Variants in CLEC20A observed in about 807,000 individuals in gnomAD.
The protein encoded by CLEC20A is C-type lectin domain containing 20A.
chr1:178,483,484 G>A (rs1317235083), intron 5 of CLEC20A: 1 of 382,646 alleles, frequency 2.6e-6, no homozygotes, highest in Non-Finnish European at 4.6e-6. Flanking sequence ...CCCAGCACTT[G>A]AGTTGCTACA....
upstream of CLEC20A, among the ~76,000 whole-genome samples, chr1:178,497,510 T>C (rs1649428340): frequency 6.6e-6 from 1 of 152,170 alleles, no homozygotes; most frequent in Non-Finnish European, 1.5e-5. Context: ...CCAAGAAGAA[T>C]CCAGACCCAC....
At chr1:178,491,937 G>C (rs1649274395) in intron 3 of CLEC20A, among the ~76,000 whole-genome samples, 1 of 152,092 alleles carries the variant, frequency 6.6e-6, no homozygotes. Context: ...TCTGATTCTA[G>C]TCTGTGATTG....
At chr1:178,481,897 T>C (rs1286390475) in intron 7 of CLEC20A, 1 of 154,736 alleles carries the variant, frequency 6.5e-6, no homozygotes, top group East Asian at 1.9e-4. Context: ...ATGGAATATA[T>C]CATTTAATCA....
At chr1:178,499,169 AATTCCAC>A (rs1186047595), upstream of CLEC20A, among the ~76,000 whole-genome samples, 2 of 152,206 alleles carry the variant, frequency 1.3e-5, no homozygotes, top group African/African-American at 4.8e-5. Context: ...TCCAGGCTGA[AATTCCAC>A]GTGCCTTCCT....
At chr1:178,496,640 G>C (rs973862897) in intron 1 of CLEC20A, 1 of 390,300 alleles carries the variant, frequency 2.6e-6, no homozygotes, top group Non-Finnish European at 4.5e-6. Flanking sequence ...TCTTAGCCCC[G>C]CTAGAAAGAA....
chr1:178,481,907 A>C (rs1370506880), intron 7 of CLEC20A: 3 of 156,912 alleles, frequency 1.9e-5, no homozygotes, highest in Non-Finnish European at 4.2e-5. Context: ...TCATTTAATC[A>C]TAACACCAAC....
At chr1:178,494,604 A>G (rs1649342365) in exon 2 of CLEC20A, 1 of 399,232 alleles carries the variant, frequency 2.5e-6, no homozygotes, top group Admixed American at 4.4e-5. Context: ...GAGCCGCTGG[A>G]CCATCTCAGG....
upstream of CLEC20A, chr1:178,497,166 G>A: frequency 2.5e-6 from 1 of 392,358 alleles, no homozygotes; most frequent in Non-Finnish European, 4.5e-6. Flanking sequence ...GCGGCCTGGA[G>A]GATGCGGAAG....
At chr1:178,491,257 G>A (rs1340753062) in intron 3 of CLEC20A, among the ~76,000 whole-genome samples, 5 of 152,202 alleles carry the variant, frequency 3.3e-5, no homozygotes, top group Admixed American at 1.3e-4. Flanking sequence ...TGCCAACGAC[G>A]TGAGTGGCTG....
At chr1:178,499,315 C>T (rs926726662), upstream of CLEC20A, among the ~76,000 whole-genome samples, 1 of 152,286 alleles carries the variant, frequency 6.6e-6, no homozygotes, top group East Asian at 1.9e-4. Context: ...TGGTTAATAT[C>T]GAGTGTCGAC....
At chr1:178,479,903 TAAAAAAAAAA>T (rs74263840) in intron 7 of CLEC20A, 2 of 130,952 alleles carry the variant, frequency 1.5e-5, no homozygotes, top group East Asian at 3.6e-4. Context: ...GAGAGTTGTT[TAAAAAAAAAA>T]AAAAAGAAAA....
chr1:178,491,132 C>T (rs928906290), intron 3 of CLEC20A, among the ~76,000 whole-genome samples: 2 of 152,220 alleles, frequency 1.3e-5, no homozygotes, highest in Non-Finnish European at 2.9e-5. Flanking sequence ...CACTGCCAGT[C>T]CCTGCCTGAG....
At chr1:178,486,217 C>G (rs1649138286) in intron 5 of CLEC20A, among the ~76,000 whole-genome samples, 2 of 152,226 alleles carry the variant, frequency 1.3e-5, no homozygotes, top group Non-Finnish European at 1.5e-5. Context: ...TCTGGCCAGA[C>G]AGGACCCCTG....
At chr1:178,499,316 G>A (rs1649474970), upstream of CLEC20A, among the ~76,000 whole-genome samples, 1 of 152,136 alleles carries the variant, frequency 6.6e-6, no homozygotes, top group African/African-American at 2.4e-5. Context: ...GGTTAATATC[G>A]AGTGTCGACT....
At chr1:178,484,636 C>A in intron 5 of CLEC20A, 1 of 152,264 alleles carries the variant, frequency 6.6e-6, no homozygotes, top group South Asian at 2.1e-4. Flanking sequence ...GAGCTATGAT[C>A]ATACCACTGC....
At chr1:178,490,372 G>A (rs1649244092) in exon 4 of CLEC20A, 2 of 398,584 alleles carry the variant, frequency 5.0e-6, no homozygotes, top group South Asian at 1.3e-4. Flanking sequence ...CAGTACAGCA[G>A]GGCCGAGGAC....
intron 3 of CLEC20A, among the ~76,000 whole-genome samples, chr1:178,491,333 G>A (rs978024791): frequency 1.3e-5 from 2 of 152,208 alleles, no homozygotes; most frequent in Non-Finnish European, 2.9e-5. Context: ...GCTGAGTCGG[G>A]AGTCACATCC....
At chr1:178,488,528 C>T (rs887213831) in exon 5 of CLEC20A, 1 of 398,812 alleles carries the variant, frequency 2.5e-6, no homozygotes, top group South Asian at 1.3e-4. Context: ...GTTGTTTCCT[C>T]TGTCATTTCT....
At chr1:178,488,126 G>T (rs1335783945) in intron 5 of CLEC20A, among the ~76,000 whole-genome samples, 1 of 152,172 alleles carries the variant, frequency 6.6e-6, no homozygotes, top group East Asian at 1.9e-4. Context: ...CCTCTCTGAT[G>T]ATTCTTCCTC....
Sources: allele counts gnomAD v4.1 joint callset (sites outside exome capture counted in the v4.1 genomes callset), GRCh38; gene constraint gnomAD v4.1.1; transcripts MANE v1.5; gene names NCBI Gene and HGNC (gene_info 2026-07-23, HGNC 2026-07-21).